Variants in DHRSX observed in about 807,000 individuals in gnomAD.
DHRSX encodes the protein dehydrogenase/reductase X-linked, also known as polyprenol dehydrogenase.
A neutral mutation model predicts 34.0 loss-of-function variants in DHRSX; 31 were observed. The ratio of observed to expected loss-of-function variants is 0.91; its 90% CI spans 0.69 to 1.23. DHRSX has a LOEUF of 1.23. Ranked by LOEUF, DHRSX falls within the 50% of genes most tolerant of loss-of-function variation. DHRSX has a pLI of 0.00. For synonymous variants in DHRSX, 201 were observed against 183.8 expected, an observed-to-expected ratio of 1.09 and a Z score of -0.76; for missense variants, 414 against 428.1, an observed-to-expected ratio of 0.97 and a Z score of 0.29.
chrX:2,384,391 TG>T (rs1191811054), intron 3 of DHRSX, among the ~76,000 whole-genome samples: 45 of 152,182 alleles, frequency 3.0e-4, no homozygotes, highest in South Asian at 1.0e-3. Flanking sequence ...AACACGGACG[TG>T]GTTGCAAGAC....
At chrX:2,464,624 G>C (rs1195663540) in intron 1 of DHRSX, among the ~76,000 whole-genome samples, 1 of 151,416 alleles carries the variant, frequency 6.6e-6, no homozygotes, top group Non-Finnish European at 1.5e-5. Flanking sequence ...CACTGAAGAT[G>C]TTCCCTAAGT....
chrX:2,220,847 G>A lies in DHRSX; in HGVS notation c.*194C>T, dbSNP rs1223091633. ...AGTTTATGGTTGAAGACCACTTGGG[G>A]TGATTATCCTCCAAAATGTTTATTT... On this transcript the variant is annotated 3_prime_UTR_variant, in exon 7 of 7. Transcript: ENST00000334651. 1.8e-6 allele frequency: 1 copy of A among 548,656 alleles called. No homozygotes were observed. The highest frequency in any genetic ancestry group is 3.1e-5 in the Admixed American group (1 of 32,452). The allele number at this position is 548,656 out of a possible 1,614,324, so 34.0% of individuals were successfully genotyped here. A position where few individuals can be genotyped will look rare whatever the true frequency, so the allele number is the denominator to read the frequency against.
At chrX:2,347,672 T>G (rs538491002) in intron 3 of DHRSX, among the ~76,000 whole-genome samples, 2 of 152,108 alleles carry the variant, frequency 1.3e-5, no homozygotes, top group South Asian at 4.2e-4. Context: ...CCAGCCTGAG[T>G]GAGCGAGACT....
chrX:2,468,707 G>A (rs2044537920), intron 1 of DHRSX, among the ~76,000 whole-genome samples: 1 of 150,400 alleles, frequency 6.6e-6, no homozygotes, highest in African/African-American at 2.5e-5. Flanking sequence ...CCCAAAGAAT[G>A]CAGCCAAAGG....
At chrX:2,265,696 G>T (rs954975869) in intron 5 of DHRSX, among the ~76,000 whole-genome samples, 1 of 146,294 alleles carries the variant, frequency 6.8e-6, no homozygotes, top group African/African-American at 2.5e-5. Context: ...GACGCAGGGA[G>T]CACTGTCCCC....
Position 2,323,429 on chromosome X carries a change from G to A in DHRSX, c.287-31826C>T, listed in dbSNP as rs1419978689. ...TACAGGAGTGAGATGCCTCAAGACA[G>A]GCCAAGGCAGAAACAAGCATCACTA... On this transcript the variant is annotated intron_variant, in intron 3 of 6. Transcript: ENST00000334651. Among the ~76,000 whole-genome samples the A allele has an allele frequency of 3.9e-5, 6 of 152,188 alleles. No homozygotes were observed. The South Asian group carries it at 6.2e-4, about 16-fold the overall frequency.
chrX:2,444,876 G>T (rs184275421), intron 1 of DHRSX, among the ~76,000 whole-genome samples: 162 of 152,080 alleles, frequency 1.1e-3, no homozygotes, highest in African/African-American at 3.6e-3. Context: ...AAAAAATTAG[G>T]CTGGGCGGAG....
At chrX:2,332,951 A>C (rs990954509) in intron 3 of DHRSX, among the ~76,000 whole-genome samples, 1 of 152,152 alleles carries the variant, frequency 6.6e-6, no homozygotes, top group Non-Finnish European at 1.5e-5. Context: ...TGAGGTAACT[A>C]ACAATCAGGG....
At chrX:2,384,774 AG>A (rs202128844) in intron 3 of DHRSX, among the ~76,000 whole-genome samples, 27,199 of 62,822 alleles carry the variant, frequency 0.43, 3,655 homozygotes, top group Non-Finnish European at 0.5. Context: ...GGGTGGGGGG[AG>A]GGGGGGGATG....
intron 1 of DHRSX, chrX:2,488,405 C>T (rs1204860007): frequency 3.8e-6 from 2 of 520,938 alleles, no homozygotes; most frequent in African/African-American, 2.0e-5. Flanking sequence ...GATCTCCTGA[C>T]CTCAGCTGAT....
chrX:2,295,958 G>T (rs1451056272), intron 3 of DHRSX, among the ~76,000 whole-genome samples: 4 of 152,078 alleles, frequency 2.6e-5, no homozygotes, highest in Admixed American at 6.6e-5. Context: ...TTCTGGGATG[G>T]ACTGTGGGGT....
intron 3 of DHRSX, among the ~76,000 whole-genome samples, chrX:2,304,471 G>A (rs1417442169): frequency 3.9e-5 from 6 of 152,120 alleles, no homozygotes; most frequent in Non-Finnish European, 8.8e-5. Context: ...GACCCTTGTA[G>A]GGGGAGATTG....
At chrX:2,489,881 G>GGT (rs1361330319) in intron 1 of DHRSX, 1 of 1,613,832 alleles carries the variant, frequency 6.2e-7, no homozygotes, top group Non-Finnish European at 8.5e-7. Flanking sequence ...GTCCAGCAGG[G>GGT]AGCACGCCTT....
At chrX:2,452,441 G>T (rs1446579732) in intron 1 of DHRSX, among the ~76,000 whole-genome samples, 4 of 151,672 alleles carry the variant, frequency 2.6e-5, no homozygotes, top group African/African-American at 9.7e-5. Flanking sequence ...CATTCCCTAC[G>T]AATGTGGATA....
chrX:2,340,631 C>T (rs2042629388), intron 3 of DHRSX, among the ~76,000 whole-genome samples: 4 of 152,142 alleles, frequency 2.6e-5, no homozygotes, highest in African/African-American at 9.6e-5. Flanking sequence ...GGCGACTGGA[C>T]TCCCCGCCAG....
chrX:2,357,700 T>TAAAAAAAAAAAAAA (rs781233833), intron 3 of DHRSX, among the ~76,000 whole-genome samples: 1 of 125,166 alleles, frequency 8.0e-6, no homozygotes. Context: ...CTCAGGAAAT[T>TAAAAAAAAAAAAAA]AAAAAAAAAA....
At chrX:2,476,461 T>A (rs1285301496) in intron 1 of DHRSX, among the ~76,000 whole-genome samples, 1 of 151,226 alleles carries the variant, frequency 6.6e-6, no homozygotes, top group Non-Finnish European at 1.5e-5. Context: ...ATATCTACAC[T>A]GTGAAAAAAA....
chrX:2,221,541 C>A (rs761000156), intron 6 of DHRSX, among the ~76,000 whole-genome samples: 2 of 152,212 alleles, frequency 1.3e-5, no homozygotes, highest in African/African-American at 4.8e-5. Context: ...CTTTATGGGA[C>A]CGAAATGCTT....
intron 3 of DHRSX, among the ~76,000 whole-genome samples, chrX:2,401,141 T>C (rs1186709251): frequency 6.6e-6 from 1 of 151,084 alleles, no homozygotes; most frequent in African/African-American, 2.4e-5. Context: ...ATGAAGTTTT[T>C]CTCTGTCGCC....
Sources: allele counts gnomAD v4.1 joint callset (sites outside exome capture counted in the v4.1 genomes callset), GRCh38; gene constraint gnomAD v4.1.1; transcripts MANE v1.5; gene names NCBI Gene and HGNC (gene_info 2026-07-23, HGNC 2026-07-21).